Variants in SNX13 observed in about 807,000 individuals in gnomAD.
SNX13 encodes sorting nexin-13.
A neutral mutation model predicts 133.6 loss-of-function variants in SNX13; 45 were observed. The ratio of observed to expected loss-of-function variants is 0.34; its 90% CI spans 0.27 to 0.43. The LOEUF (loss-of-function observed/expected upper bound fraction) is 0.43. SNX13 is among the 20% of genes least tolerant of loss of function. The pLI, the probability that SNX13 is intolerant of heterozygous loss-of-function variation, is 1.00. For missense variants in SNX13, 1,032 were observed against 1,145.1 expected (o/e 0.90, Z 1.43); for synonymous variants, 414 against 373.9 (o/e 1.11, Z -1.24).
intron 15 of SNX13, chr7:17,831,393 T>A (rs1002882658): frequency 4.7e-6 from 4 of 846,792 alleles, no homozygotes; most frequent in Non-Finnish European, 5.7e-6. Context: ...TATCTACTTT[T>A]AAAATAATTT....
intron 22 of SNX13, among the ~76,000 whole-genome samples, chr7:17,800,578 G>A (rs902015333): frequency 6.6e-6 from 1 of 151,712 alleles, no homozygotes; most frequent in Non-Finnish European, 1.5e-5. Context: ...ACATCTCTGT[G>A]ACCCTGCAAT....
chr7:17,866,548 A>G (rs936051900), intron 9 of SNX13, among the ~76,000 whole-genome samples: 2 of 152,162 alleles, frequency 1.3e-5, no homozygotes, highest in African/African-American at 2.4e-5. Context: ...ACAAAATAGA[A>G]TATTATTCAG....
intron 8 of SNX13, 30 bp from the exon 9 acceptor site, chr7:17,868,520 T>A: frequency 1.3e-6 from 2 of 1,496,848 alleles, no homozygotes; most frequent in Non-Finnish European, 1.8e-6. Context: ...CAAAAACAAA[T>A]TTAATCTATT....
intron 5 of SNX13, among the ~76,000 whole-genome samples, chr7:17,883,530 G>T (rs2128367326): frequency 6.6e-6 from 1 of 152,012 alleles, no homozygotes; most frequent in African/African-American, 2.4e-5. Context: ...TTTTTAATTA[G>T]GTTACTTGTC....
At chr7:17,878,745 T>C (rs1203666053) in intron 5 of SNX13, among the ~76,000 whole-genome samples, 1 of 152,182 alleles carries the variant, frequency 6.6e-6, no homozygotes, top group African/African-American at 2.4e-5. Flanking sequence ...TTCTCTAAGA[T>C]CTTCCATACG....
At chr7:17,848,142 C>T (rs962255976) in intron 11 of SNX13, among the ~76,000 whole-genome samples, 4 of 152,114 alleles carry the variant, frequency 2.6e-5, no homozygotes, top group Non-Finnish European at 5.9e-5. Context: ...GCCGGGACTA[C>T]GGCTGGACAT....
At chr7:17,881,619 T>C (rs1795363748) in intron 5 of SNX13, 1 of 152,096 alleles carries the variant, frequency 6.6e-6, no homozygotes, top group Non-Finnish European at 1.5e-5. Context: ...CTTTTTTTTG[T>C]TGAGAGAAAG....
chr7:17,826,214 TG>T (rs1367948440), intron 16 of SNX13, 123 bp from the exon 17 acceptor site: 2 of 546,026 alleles, frequency 3.7e-6, no homozygotes, highest in Admixed American at 3.3e-5. Context: ...ATATATTATT[TG>T]TATACCCTCC....
chr7:17,804,475 T>C (rs961895758), intron 20 of SNX13, among the ~76,000 whole-genome samples: 7 of 152,020 alleles, frequency 4.6e-5, no homozygotes, highest in African/African-American at 1.4e-4. Context: ...AAATCAGACA[T>C]GTAAATCTTA....
At chr7:17,890,545 T>A in intron 4 of SNX13, 61 bp from the exon 5 acceptor site, 1 of 1,335,748 alleles carries the variant, frequency 7.5e-7, no homozygotes, top group Non-Finnish European at 1.0e-6. Context: ...GTTACAGTGG[T>A]AAACTAAAAA....
At chr7:17,809,989 T>C (rs1307400545) in intron 20 of SNX13, among the ~76,000 whole-genome samples, 1 of 152,128 alleles carries the variant, frequency 6.6e-6, no homozygotes, top group Non-Finnish European at 1.5e-5. Context: ...GGAAAATTTA[T>C]AGCAGTAAAT....
At chr7:17,879,930 T>C (rs1795150277) in intron 5 of SNX13, 1 of 152,230 alleles carries the variant, frequency 6.6e-6, no homozygotes, top group Non-Finnish European at 1.5e-5. Context: ...TATGATTATA[T>C]TAGCTACATA....
chr7:17,923,104 T>C (rs1368573404), intron 1 of SNX13, among the ~76,000 whole-genome samples: 1 of 152,206 alleles, frequency 6.6e-6, no homozygotes, highest in Non-Finnish European at 1.5e-5. Context: ...TTAAAATATT[T>C]AAGTGAAGGC....
At chr7:17,862,852 G>A (rs186385128) in intron 9 of SNX13, among the ~76,000 whole-genome samples, 64 of 152,162 alleles carry the variant, frequency 4.2e-4, no homozygotes, top group Admixed American at 1.3e-3. Context: ...TTAAATAACC[G>A]TCCATGCACC....
chr7:17,868,300 C>A, intron 9 of SNX13, 107 bp downstream of exon 9: 1 of 784,194 alleles, frequency 1.3e-6, no homozygotes. Context: ...AACATTTTTA[C>A]TTAATTTCTT....
intron 1 of SNX13, among the ~76,000 whole-genome samples, chr7:17,901,411 G>A (rs1297549073): frequency 6.6e-6 from 1 of 152,138 alleles, no homozygotes; most frequent in Non-Finnish European, 1.5e-5. Context: ...GGCCTAGCCT[G>A]CCTTTCAAGT....
chr7:17,939,381 G>T (rs550228953), intron 1 of SNX13, among the ~76,000 whole-genome samples: 4 of 152,148 alleles, frequency 2.6e-5, no homozygotes, highest in Non-Finnish European at 5.9e-5. Flanking sequence ...CAAATCACAA[G>T]GTTCAGTATT....
intron 15 of SNX13, 92 bp downstream of exon 15, chr7:17,833,956 TCCAA>T (rs1788825296): frequency 2.2e-6 from 2 of 924,700 alleles, no homozygotes; most frequent in Admixed American, 7.6e-5. Context: ...ATATTTGGAC[TCCAA>T]CAACATTTTT....
At chr7:17,936,611 T>C (rs1802057199) in intron 1 of SNX13, among the ~76,000 whole-genome samples, 5 of 152,182 alleles carry the variant, frequency 3.3e-5, no homozygotes, top group Admixed American at 3.3e-4. Flanking sequence ...CCACATTTCT[T>C]ACCTTTAGTT....
Sources: gnomAD v4.1 joint callset for allele counts (sites outside exome capture counted in the v4.1 genomes callset) on GRCh38, gnomAD v4.1.1 for gene constraint, MANE v1.5 for transcripts, NCBI Gene and HGNC (gene_info 2026-07-23, HGNC 2026-07-21) for gene names.